The following RASA1 variants were observed in gnomAD, a reference collection of about 807,000 sequenced individuals.
RASA1 encodes the protein RAS p21 protein activator 1.
In RASA1, 25 loss-of-function variants were observed where a neutral mutation model predicts 132.2. The observed-to-expected ratio is 0.19, with a 90% CI of 0.14 to 0.26. The LOEUF (loss-of-function observed/expected upper bound fraction) is 0.26, where lower values mean the gene tolerates loss of function less well. Ranked by LOEUF, RASA1 falls within the 10% of genes least tolerant of loss-of-function variation. RASA1 has a pLI of 1.00. For synonymous variants in RASA1, 477 were observed against 449.9 expected (o/e 1.06, Z -0.76); for missense variants, 964 against 1,299.2 (o/e 0.74, Z 3.97).
At chr5:87,342,554 A>C (rs556849415) in intron 6 of RASA1, among the ~76,000 whole-genome samples, 185 of 152,316 alleles carry the variant, frequency 1.2e-3, no homozygotes, top group Non-Finnish European at 1.7e-3. Flanking sequence ...TTTTCTTTAG[A>C]CACAATAATC....
intron 22 of RASA1, among the ~76,000 whole-genome samples, chr5:87,385,852 T>C (rs956917217): frequency 3.9e-5 from 6 of 152,086 alleles, no homozygotes; most frequent in Non-Finnish European, 7.4e-5. Flanking sequence ...TCTTGCCATA[T>C]GTGGAAATAG....
At chr5:87,355,343 C>T (rs2112437279) in intron 9 of RASA1, among the ~76,000 whole-genome samples, 1 of 152,274 alleles carries the variant, frequency 6.6e-6, no homozygotes, top group Admixed American at 6.5e-5. Flanking sequence ...GTTGACTATT[C>T]TGAAAATCCT....
intron 11 of RASA1, among the ~76,000 whole-genome samples, chr5:87,369,204 C>T (rs907126435): frequency 1.3e-5 from 2 of 152,174 alleles, no homozygotes; most frequent in African/African-American, 4.8e-5. Flanking sequence ...GGAAAGATAG[C>T]ACATTTCCAA....
intron 1 of RASA1, among the ~76,000 whole-genome samples, chr5:87,272,025 G>T (rs557994451): frequency 1.3e-5 from 2 of 151,676 alleles, no homozygotes; most frequent in East Asian, 3.9e-4. Flanking sequence ...GTTGGCGGGC[G>T]CCTGTAATCC....
intron 1 of RASA1, among the ~76,000 whole-genome samples, chr5:87,303,806 T>C (rs1755484122): frequency 6.6e-6 from 1 of 151,708 alleles, no homozygotes; most frequent in African/African-American, 2.4e-5. Context: ...ACTGTATTAT[T>C]ACGAAATGTC....
chr5:87,285,653 T>C (rs1754522394), intron 1 of RASA1, among the ~76,000 whole-genome samples: 1 of 150,054 alleles, frequency 6.7e-6, no homozygotes, highest in Non-Finnish European at 1.5e-5. Context: ...AGTCTCGCTC[T>C]GTCGCCTAGG....
In RASA1 at chr5:87,383,322, A is replaced by C. The variant is rs569710580; in HGVS notation, c.2691-391A>C. On this transcript the variant is annotated intron_variant, in intron 20 of 24. Coordinates refer to ENST00000274376, the MANE Select transcript of RASA1 (RefSeq NM_002890.3). Reference sequence around the variant, plus strand: ...AGAACTATGCTTATATAAAAAGTTTATTTCTACTCCTGTGGTATTTCAGAA... The same window carrying C: ...AGAACTATGCTTATATAAAAAGTTTCTTTCTACTCCTGTGGTATTTCAGAA... Among the ~76,000 whole-genome samples the C allele has an allele frequency of 7.9e-5, 12 of 152,236 alleles. No individual in the cohort carries two copies. In the East Asian group the frequency reaches 2.3e-3, roughly 29 times the overall value.
chr5:87,340,552 C>T (rs540425583), intron 5 of RASA1, among the ~76,000 whole-genome samples: 1 of 151,858 alleles, frequency 6.6e-6, no homozygotes, highest in East Asian at 1.9e-4. Context: ...CCATTTTTCT[C>T]CATAATAGTG....
chr5:87,353,020 C>T (rs1759388054), intron 8 of RASA1, 137 bp from the exon 9 acceptor site: 4 of 647,688 alleles, frequency 6.2e-6, no homozygotes, highest in Non-Finnish European at 8.4e-6. Flanking sequence ...ATCATTTATT[C>T]TATTAATGTA....
chr5:87,362,006 T>C (rs1222037022), intron 9 of RASA1, among the ~76,000 whole-genome samples: 1 of 152,142 alleles, frequency 6.6e-6, no homozygotes, highest in Non-Finnish European at 1.5e-5. Flanking sequence ...TAACACCAGC[T>C]GTGGATGGAT....
At chr5:87,338,353 A>G (rs995759474) in intron 5 of RASA1, among the ~76,000 whole-genome samples, 1 of 150,590 alleles carries the variant, frequency 6.6e-6, no homozygotes, top group African/African-American at 2.4e-5. Context: ...TTCTTTTGAG[A>G]CAGAGTCTTG....
At chr5:87,380,445 G>T (rs1400293028) in intron 19 of RASA1, 64 bp from the exon 20 acceptor site, 2 of 1,400,844 alleles carry the variant, frequency 1.4e-6, no homozygotes, top group South Asian at 1.2e-5. Context: ...TTAAGCTTTT[G>T]GCTGCTAGGA....
chr5:87,362,734 C>CT, intron 10 of RASA1, 63 bp downstream of exon 10: 1 of 1,533,460 alleles, frequency 6.5e-7, no homozygotes, highest in Non-Finnish European at 9.0e-7. Context: ...GAGCTCCGAA[C>CT]TTATTGTGAT....
chr5:87,372,925 A>T (rs1219947382), intron 13 of RASA1, among the ~76,000 whole-genome samples: 1 of 152,196 alleles, frequency 6.6e-6, no homozygotes, highest in Non-Finnish European at 1.5e-5. Flanking sequence ...GTTGATATTT[A>T]GGTGACTAAA....
chr5:87,298,341 G>A (rs1406847036), intron 1 of RASA1, among the ~76,000 whole-genome samples: 20 of 151,368 alleles, frequency 1.3e-4, no homozygotes, highest in African/African-American at 4.9e-4. Flanking sequence ...CCAGGGAGGC[G>A]GAGCTTGCAG....
chr5:87,390,771 T>A, intron 24 of RASA1, 29 bp from the exon 25 acceptor site: 1 of 1,577,962 alleles, frequency 6.3e-7, no homozygotes, highest in Non-Finnish European at 8.7e-7. Context: ...AGCTTTCATT[T>A]ATTTTCATAC....
intron 1 of RASA1, among the ~76,000 whole-genome samples, chr5:87,283,172 T>G (rs538854478): frequency 6.6e-5 from 10 of 151,142 alleles, no homozygotes; most frequent in Non-Finnish European, 1.3e-4. Context: ...TGGTTGTTAT[T>G]GTAGCTTGTT....
chr5:87,274,609 T>C (rs1202220242), intron 1 of RASA1, among the ~76,000 whole-genome samples: 1 of 152,136 alleles, frequency 6.6e-6, no homozygotes, highest in Non-Finnish European at 1.5e-5. Flanking sequence ...AAGGGAGTAT[T>C]AGATCTAGTA....
chr5:87,317,262 C>T (rs1247546068), intron 1 of RASA1, among the ~76,000 whole-genome samples: 1 of 152,106 alleles, frequency 6.6e-6, no homozygotes, highest in African/African-American at 2.4e-5. Context: ...TTGTGCGTTC[C>T]AGACTTTTAA....
Sources: gnomAD v4.1 joint callset for allele counts (sites outside exome capture counted in the v4.1 genomes callset) on GRCh38, gnomAD v4.1.1 for gene constraint, MANE v1.5 for transcripts, NCBI Gene and HGNC (gene_info 2026-07-23, HGNC 2026-07-21) for gene names.